The following GRID1 variants were observed in gnomAD, a reference collection of about 807,000 sequenced individuals.
GRID1 encodes glutamate ionotropic receptor delta type subunit 1, also known as glutamate receptor ionotropic, delta-1.
Under a neutral mutation model 98.0 loss-of-function variants are expected in GRID1, and 28 were observed. That is an observed-to-expected ratio of 0.29 (90% CI 0.21 to 0.39). The LOEUF (loss-of-function observed/expected upper bound fraction) is 0.39. Ranked by LOEUF, GRID1 falls within the 10% of genes least tolerant of loss-of-function variation. The pLI, the probability that GRID1 is intolerant of heterozygous loss-of-function variation, is 1.00. For missense variants in GRID1, 1,111 were observed against 1,340.5 expected, an observed-to-expected ratio of 0.83 and a Z score of 2.67; for synonymous variants, 553 against 538.5, an observed-to-expected ratio of 1.03 and a Z score of -0.37.
intron 5 of GRID1, among the ~76,000 whole-genome samples, chr10:85,877,771 G>C (rs1030545828): frequency 5.9e-5 from 9 of 152,236 alleles, no homozygotes; most frequent in African/African-American, 2.2e-4. Context: ...GCTGAACGGA[G>C]AATGACCTTG....
chr10:85,658,835 C>T (rs77173418), intron 12 of GRID1, among the ~76,000 whole-genome samples: 5,988 of 152,188 alleles, frequency 0.039, 142 homozygotes, highest in Middle Eastern at 0.061. Flanking sequence ...GTTTAAATCA[C>T]GGATGTGTGT....
At position 86,023,382 on chromosome 10, in the gene GRID1, C is replaced by T. The variant is rs72846405; in HGVS notation, c.727-107143G>A. ...CTTACCTCGTTGAACTCTCACAACC[C>T]CACAAGCTAAGTACTAATCTGATCC... On this transcript the variant is annotated intron_variant, in intron 4 of 15. Transcript: ENST00000327946. Among the ~76,000 whole-genome samples, 6 of 152,126 alleles carry T rather than the reference C, an allele frequency of 3.9e-5. No homozygotes were observed. In the South Asian group the frequency reaches 1.0e-3, roughly 26 times the overall value.
chr10:85,624,132 A>G (rs1331098489), intron 13 of GRID1, among the ~76,000 whole-genome samples: 2 of 152,254 alleles, frequency 1.3e-5, no homozygotes, highest in Non-Finnish European at 1.5e-5. Context: ...GAGAACAGGC[A>G]TGATAGGTGG....
intron 8 of GRID1, among the ~76,000 whole-genome samples, chr10:85,777,515 G>A (rs1333156701): frequency 6.6e-6 from 1 of 152,222 alleles, no homozygotes; most frequent in Non-Finnish European, 1.5e-5. Flanking sequence ...GCTTCCAGGT[G>A]ATTCTAACAT....
chr10:86,079,916 A>T (rs1843940842), intron 4 of GRID1, among the ~76,000 whole-genome samples: 1 of 152,206 alleles, frequency 6.6e-6, no homozygotes, highest in Non-Finnish European at 1.5e-5. Flanking sequence ...AAGGGGCAGG[A>T]AGGTGAGAAG....
intron 12 of GRID1, among the ~76,000 whole-genome samples, chr10:85,721,042 CAG>C (rs1336374363): frequency 6.6e-6 from 1 of 151,942 alleles, no homozygotes; most frequent in African/African-American, 2.4e-5. Flanking sequence ...AAGATAAAAA[CAG>C]ATATTTTATT....
At chr10:85,613,125 C>G in intron 15 of GRID1, 1 of 437,874 alleles carries the variant, frequency 2.3e-6, no homozygotes, top group Non-Finnish European at 4.1e-6. Flanking sequence ...GGCTCTCTGG[C>G]GCTGCCCACG....
intron 15 of GRID1, 64 bp downstream of exon 15, chr10:85,613,343 A>G (rs1399400099): frequency 3.9e-6 from 6 of 1,520,334 alleles, no homozygotes; most frequent in Non-Finnish European, 5.3e-6. Context: ...TGCCCTCCCA[A>G]TGGCCCAGTG....
At chr10:85,707,186 T>C (rs1488242595) in intron 12 of GRID1, among the ~76,000 whole-genome samples, 3 of 151,972 alleles carry the variant, frequency 2.0e-5, no homozygotes, top group Non-Finnish European at 4.4e-5. Flanking sequence ...ACCTACAAAA[T>C]GGGAGAAAAC....
chr10:86,255,388 T>C (rs1162967533), intron 2 of GRID1, among the ~76,000 whole-genome samples: 1 of 152,144 alleles, frequency 6.6e-6, no homozygotes, highest in Non-Finnish European at 1.5e-5. Flanking sequence ...CAGCACAACT[T>C]GGAGGCTGGG....
chr10:86,328,211 T>G (rs1848081104), intron 2 of GRID1, among the ~76,000 whole-genome samples: 1 of 152,206 alleles, frequency 6.6e-6, no homozygotes, highest in Non-Finnish European at 1.5e-5. Flanking sequence ...CCTTATTCTG[T>G]TATGTGTGTA....
chr10:86,101,562 T>C (rs1429933543), intron 4 of GRID1, among the ~76,000 whole-genome samples: 3 of 152,120 alleles, frequency 2.0e-5, no homozygotes, highest in Admixed American at 6.5e-5. Flanking sequence ...TCACTCAGCA[T>C]ATGCTTTTGA....
chr10:85,603,048 C>T (rs1041135315), intron 15 of GRID1, among the ~76,000 whole-genome samples: 29 of 152,260 alleles, frequency 1.9e-4, no homozygotes, highest in Middle Eastern at 3.4e-3. Flanking sequence ...AGAAGAAGTC[C>T]CACAGGAATA....
At chr10:86,079,740 C>T (rs183626394) in intron 4 of GRID1, among the ~76,000 whole-genome samples, 34 of 152,304 alleles carry the variant, frequency 2.2e-4, no homozygotes, top group Admixed American at 9.8e-4. Flanking sequence ...CAAGATCAAA[C>T]GAGTTAATGG....
At chr10:86,011,049 G>GA (rs1225578081) in intron 4 of GRID1, among the ~76,000 whole-genome samples, 1 of 151,992 alleles carries the variant, frequency 6.6e-6, no homozygotes, top group Non-Finnish European at 1.5e-5. Flanking sequence ...TTTGCATTTT[G>GA]AAAAAAACTC....
intron 12 of GRID1, among the ~76,000 whole-genome samples, chr10:85,719,606 G>A: frequency 6.6e-6 from 1 of 152,102 alleles, no homozygotes; most frequent in East Asian, 1.9e-4. Context: ...ACTGTCATGA[G>A]AATAGCACAG....
At chr10:86,281,312 C>T (rs1052194284) in intron 2 of GRID1, among the ~76,000 whole-genome samples, 1 of 152,308 alleles carries the variant, frequency 6.6e-6, no homozygotes, top group Non-Finnish European at 1.5e-5. Context: ...GCTGGGATTG[C>T]AGAGGAGATT....
chr10:86,350,697 A>C (rs1032231519), intron 2 of GRID1, among the ~76,000 whole-genome samples: 1 of 151,948 alleles, frequency 6.6e-6, no homozygotes, highest in African/African-American at 2.4e-5. Flanking sequence ...TATGGGGTAC[A>C]GAGTGATATT....
chr10:85,705,383 A>G (rs935273700), intron 12 of GRID1, among the ~76,000 whole-genome samples: 1 of 152,212 alleles, frequency 6.6e-6, no homozygotes, highest in Non-Finnish European at 1.5e-5. Context: ...TCCTCGAAAC[A>G]TACACTCTCC....
Sources: gnomAD v4.1 joint callset for allele counts (sites outside exome capture counted in the v4.1 genomes callset) on GRCh38, gnomAD v4.1.1 for gene constraint, MANE v1.5 for transcripts, NCBI Gene and HGNC (gene_info 2026-07-23, HGNC 2026-07-21) for gene names.